Variants in CTNND2 observed in about 807,000 individuals in gnomAD.
The protein encoded by CTNND2 is catenin delta 2.
CTNND2 carries 22 observed loss-of-function variants against 144.4 expected under a neutral mutation model. The ratio of observed to expected loss-of-function variants is 0.15; its 90% CI spans 0.11 to 0.22. The LOEUF (loss-of-function observed/expected upper bound fraction) is 0.22. CTNND2 is among the 10% of genes least tolerant of loss of function. The pLI is 1.00. For missense variants in CTNND2, 1,353 were observed against 1,618.8 expected (o/e 0.84, Z 2.82); for synonymous variants, 751 against 695.6 (o/e 1.08, Z -1.25).
chr5:11,470,974 ATATATATT>A lies in CTNND2; in HGVS notation c.288-58913_288-58906del, dbSNP rs1401420315. On this transcript the variant is annotated intron_variant, in intron 3 of 21. Transcript: ENST00000304623. The stretch of plus-strand genomic sequence containing the variant: ...ACAAAGTATATATATATATATATAT[ATATATATT>A]TTTTTTTTTTTTTTAGATGGAGTCT... 1.9e-3 allele frequency among the ~76,000 whole-genome samples: 190 copies of A among 98,094 alleles called. 2 individuals are homozygous for A. Among genetic ancestry groups the A allele is most frequent in the African/African-American group, 9.5e-3 (186 of 19,662 alleles). 64.4% of individuals were successfully genotyped at this position (98,094 alleles called of 152,430 possible). A position where few individuals can be genotyped will look rare whatever the true frequency, so the allele number is the denominator to read the frequency against.
intron 1 of CTNND2, among the ~76,000 whole-genome samples, chr5:11,887,096 G>A (rs1736603359): frequency 7.0e-6 from 1 of 142,504 alleles, no homozygotes; most frequent in Non-Finnish European, 1.5e-5. Context: ...CCATTCTTCT[G>A]CCTCAGCCTC....
At chr5:11,835,433 T>C (rs1794125071) in intron 1 of CTNND2, among the ~76,000 whole-genome samples, 1 of 152,246 alleles carries the variant, frequency 6.6e-6, no homozygotes. Context: ...CGGGAAACCA[T>C]CTAGGCCTTT....
Position 11,397,193 on chromosome 5 carries a change from C to G in CTNND2, c.450G>C (p.Leu150=), listed in dbSNP as rs1201220425. Residue 150 remains leucine (L), a synonymous_variant, in exon 6 of 22, where the codon CTG becomes CTC. Transcript: ENST00000304623. ...QDYSTGERPS[L]LSQSALQLNS... ...TGAGCTGAAGTGCACTCTGGGAGAG[C>G]AGGCTGGGCCCTGCATTGAAAGTCA... The G allele has an allele frequency of 1.2e-6, 2 of 1,613,986 alleles. No individual in the cohort carries two copies. The highest frequency in any genetic ancestry group is 1.7e-6 in the Non-Finnish European group (2 of 1,179,878).
chr5:11,272,974 A>G (rs1202005533), intron 9 of CTNND2, among the ~76,000 whole-genome samples: 2 of 152,176 alleles, frequency 1.3e-5, no homozygotes, highest in African/African-American at 4.8e-5. Context: ...GACAGGGAAC[A>G]CTAACTTTGA....
intron 19 of CTNND2, among the ~76,000 whole-genome samples, chr5:10,990,797 G>A (rs1490141745): frequency 6.6e-6 from 1 of 152,182 alleles, no homozygotes; most frequent in South Asian, 2.1e-4. Flanking sequence ...CCTCGCCTAG[G>A]AAGTCCTGAG....
chr5:11,861,404 T>C (rs1795498587), intron 1 of CTNND2, among the ~76,000 whole-genome samples: 1 of 152,210 alleles, frequency 6.6e-6, no homozygotes, highest in South Asian at 2.1e-4. Flanking sequence ...TAGAATGCCA[T>C]CCTTCCAGTT....
intron 1 of CTNND2, among the ~76,000 whole-genome samples, chr5:11,902,341 G>A (rs4702840): frequency 0.76 from 115,752 of 152,142 alleles, 44,118 homozygotes; most frequent in South Asian, 0.83. Flanking sequence ...CACACGTCTC[G>A]TAGCAGAAAT....
chr5:11,867,258 T>C (rs942032667), intron 1 of CTNND2, among the ~76,000 whole-genome samples: 2 of 152,176 alleles, frequency 1.3e-5, no homozygotes, highest in Admixed American at 1.3e-4. Context: ...GCCAGGAAAA[T>C]TGCCCTTTGC....
intron 16 of CTNND2, among the ~76,000 whole-genome samples, chr5:11,052,665 C>T (rs943866686): frequency 1.3e-5 from 2 of 152,078 alleles, no homozygotes; most frequent in African/African-American, 4.8e-5. Context: ...GCCAAAGCTC[C>T]CTTGAGTGCT....
At chr5:11,838,034 T>C (rs2126976662) in intron 1 of CTNND2, among the ~76,000 whole-genome samples, 1 of 152,318 alleles carries the variant, frequency 6.6e-6, no homozygotes, top group South Asian at 2.1e-4. Flanking sequence ...ATTCTCTGAC[T>C]CCAGTCTTGT....
rs1389815863 is a variant in CTNND2, at chr5:11,439,261, T to G, written c.288-27192A>C. Reference sequence around the variant, plus strand: ...ACTGTTCAGCATGCTTGAATTGTCATCAAATTAATTCCTTAGGGGTAGACC... The same window carrying G: ...ACTGTTCAGCATGCTTGAATTGTCAGCAAATTAATTCCTTAGGGGTAGACC... On this transcript the variant is annotated intron_variant, in intron 3 of 21. Coordinates refer to ENST00000304623, the MANE Select transcript of CTNND2 (RefSeq NM_001332.4). Among the ~76,000 whole-genome samples, 3 of 152,244 alleles carry G rather than the reference T, an allele frequency of 2.0e-5. No homozygotes were observed. The East Asian group carries it at 5.8e-4, about 30-fold the overall frequency.
chr5:11,261,138 T>G (rs1057103437), intron 9 of CTNND2, among the ~76,000 whole-genome samples: 5 of 152,072 alleles, frequency 3.3e-5, no homozygotes, highest in African/African-American at 9.7e-5. Flanking sequence ...AAGGACTTGG[T>G]GGGGGTTTCC....
At chr5:11,204,063 AT>A (rs909004764) in intron 10 of CTNND2, among the ~76,000 whole-genome samples, 2 of 152,184 alleles carry the variant, frequency 1.3e-5, no homozygotes, top group Non-Finnish European at 2.9e-5. Context: ...GCTCACATTT[AT>A]TTTTCTGCTT....
intron 6 of CTNND2, among the ~76,000 whole-genome samples, chr5:11,386,416 T>C (rs973601711): frequency 6.6e-6 from 1 of 152,200 alleles, no homozygotes; most frequent in African/African-American, 2.4e-5. Flanking sequence ...CTCTACCCGT[T>C]CTGGAATGGC....
chr5:11,851,749 T>G (rs1279473897), intron 1 of CTNND2, among the ~76,000 whole-genome samples: 6 of 152,226 alleles, frequency 3.9e-5, no homozygotes, highest in Non-Finnish European at 7.3e-5. Flanking sequence ...ATTTGTGATT[T>G]TGGTAAACAC....
chr5:11,181,979 G>T (rs1735070124), intron 11 of CTNND2, among the ~76,000 whole-genome samples: 1 of 140,764 alleles, frequency 7.1e-6, no homozygotes, highest in Non-Finnish European at 1.5e-5. Flanking sequence ...TATGTGTGTG[G>T]TGTGTGTGTA....
chr5:11,541,567 C>G (rs1365569713), intron 3 of CTNND2, among the ~76,000 whole-genome samples: 2 of 152,104 alleles, frequency 1.3e-5, no homozygotes, highest in Non-Finnish European at 2.9e-5. Context: ...CCTAACTAAG[C>G]TTCTAGTCTT....
At chr5:11,489,548 G>A (rs1581320287) in intron 3 of CTNND2, among the ~76,000 whole-genome samples, 1 of 152,164 alleles carries the variant, frequency 6.6e-6, no homozygotes, top group Admixed American at 6.5e-5. Context: ...CGTGACTAGA[G>A]GAGCTTTCCA....
intron 2 of CTNND2, among the ~76,000 whole-genome samples, chr5:11,655,603 A>G (rs533754954): frequency 1.3e-5 from 2 of 152,274 alleles, no homozygotes; most frequent in East Asian, 3.9e-4. Context: ...ATTTTTAAGG[A>G]AGAAGTCCAT....
Sources: gnomAD v4.1 joint callset for allele counts (sites outside exome capture counted in the v4.1 genomes callset) on GRCh38, gnomAD v4.1.1 for gene constraint, MANE v1.5 for transcripts, NCBI Gene and HGNC (gene_info 2026-07-23, HGNC 2026-07-21) for gene names.